Variants in HTRA3 observed in about 807,000 individuals in gnomAD.
The protein encoded by HTRA3 is HtrA serine peptidase 3, also known as serine protease HTRA3.
A neutral mutation model predicts 43.2 loss-of-function variants in HTRA3; 41 were observed. That is an observed-to-expected ratio of 0.95 (90% confidence interval 0.74 to 1.23). HTRA3 has a LOEUF of 1.23. Ranked by LOEUF, HTRA3 falls within the 50% of genes most tolerant of loss-of-function variation. The pLI is 0.00. For synonymous variants in HTRA3, 295 were observed against 287.9 expected (o/e 1.02, Z -0.25); for missense variants, 628 against 647.1 (o/e 0.97, Z 0.32).
At position 8,294,617 on chromosome 4, in the gene HTRA3, C is replaced by T. The variant is rs1320740203; in HGVS notation, c.1051+416C>T. Among the ~76,000 whole-genome samples, 8 of 1,594 alleles carry T rather than the reference C, an allele frequency of 5.0e-3. 1 individual carries two copies. Among genetic ancestry groups the T allele is most frequent in the Admixed American group, 0.022 (8 of 364 alleles). 1.0% of individuals were successfully genotyped at this position (1,594 alleles called of 152,430 possible). ...CCATCCATCCATCCATCCATCCATC[C>T]ATCCATCCATCCATCCATCCATCCA... On this transcript the variant is annotated intron_variant, in intron 6 of 8. Transcript: ENST00000307358.
intron 6 of HTRA3, among the ~76,000 whole-genome samples, chr4:8,300,927 C>A (rs757724731): frequency 6.8e-6 from 1 of 147,870 alleles, no homozygotes; most frequent in African/African-American, 2.5e-5. Flanking sequence ...TATTATTGAT[C>A]CAGTCATCTT....
intron 1 of HTRA3, among the ~76,000 whole-genome samples, chr4:8,281,725 G>T (rs1482978962): frequency 6.6e-6 from 1 of 152,262 alleles, no homozygotes; most frequent in African/African-American, 2.4e-5. Context: ...CCTCAGGCCT[G>T]TGGTCCTGGC....
intron 4 of HTRA3, among the ~76,000 whole-genome samples, chr4:8,292,089 C>A (rs1043674784): frequency 6.6e-6 from 1 of 152,126 alleles, no homozygotes; most frequent in Non-Finnish European, 1.5e-5. Context: ...GTGTAGATGC[C>A]GAAGCGTATG....
At position 8,269,999 on chromosome 4, in the gene HTRA3, T is replaced by C. The variant is rs1712179396; in HGVS notation, c.31T>C (p.Leu11=). The change falls in exon 1 of 9, where the codon TTG becomes CTG. Residue 11 remains leucine, a synonymous_variant. Coordinates refer to ENST00000307358, the MANE Select transcript of HTRA3 (RefSeq NM_053044.5). ...GGCGCGAGCGCTGCTCCTGGCCGCG[T>C]TGGCCGCGCTGGCGCTGGCCCGGGA... MQARALLLAA[L]AALALAREPP... 2.4e-6 allele frequency: 3 copies of C among 1,259,080 alleles called. No individual in the cohort carries two copies. In the East Asian group the frequency reaches 1.0e-4, roughly 42 times the overall value. The allele number at this position is 1,259,080 out of a possible 1,614,324, so 78.0% of individuals were successfully genotyped here. A position where few individuals can be genotyped will look rare whatever the true frequency, so the allele number is the denominator to read the frequency against.
intron 4 of HTRA3, among the ~76,000 whole-genome samples, chr4:8,291,945 C>T (rs542438228): frequency 5.9e-5 from 9 of 152,376 alleles, no homozygotes; most frequent in South Asian, 2.1e-4. Flanking sequence ...CCCCAGATCA[C>T]GTCCATCCAG....
chr4:8,272,810 TG>T (rs1374314538), intron 1 of HTRA3, among the ~76,000 whole-genome samples: 1 of 152,026 alleles, frequency 6.6e-6, no homozygotes, highest in East Asian at 1.9e-4. Context: ...CGGAGCCAGG[TG>T]GGGAAATGGG....
chr4:8,270,445 C>T, intron 1 of HTRA3, 92 bp downstream of exon 1: 2 of 1,308,400 alleles, frequency 1.5e-6, no homozygotes, highest in Non-Finnish European at 2.0e-6. Context: ...GTCGCCCTTC[C>T]CTGGGCACCA....
In HTRA3 at chr4:8,297,832, G is replaced by A. The variant is rs1029371224; in HGVS notation, c.1051+3631G>A. Among the ~76,000 whole-genome samples the A allele has an allele frequency of 6.6e-6, 1 of 152,090 alleles. No individual in the cohort carries two copies. Among genetic ancestry groups the A allele is most frequent in the Non-Finnish European group, 1.5e-5 (1 of 67,996 alleles). ...CAGGCTCAGACGCGCAGCTGCTTGT[G>A]GGATGGACCCACCAATGTCCACAGG... On this transcript the variant is annotated intron_variant, in intron 6 of 8. Coordinates refer to ENST00000307358, the MANE Select transcript of HTRA3 (RefSeq NM_053044.5). This position sits in a 1 kb window ranked among gnomAD's most constrained non-coding sequence, Gnocchi z 5.8.
intron 6 of HTRA3, among the ~76,000 whole-genome samples, chr4:8,299,036 C>T (rs1450118362): frequency 2.0e-5 from 3 of 152,214 alleles, no homozygotes; most frequent in African/African-American, 2.4e-5. Context: ...TGCTGATGAT[C>T]TGATTGGGAT....
Position 8,286,534 on chromosome 4 carries a change from T to C in HTRA3, c.486-27T>C. The stretch of plus-strand genomic sequence containing the variant: ...CCCCGCGTCCTAGCCCCACCCTAAA[T>C]GCCCGCCTGTGTCTCCCTGGCTGCA... On this transcript the variant is annotated intron_variant, in intron 2 of 8. Transcript: ENST00000307358. This position sits in a 1 kb window ranked among gnomAD's most constrained non-coding sequence, Gnocchi z 4.9. The C allele has an allele frequency of 6.2e-7, 1 of 1,607,528 alleles. No homozygotes were observed. The highest frequency in any genetic ancestry group is 8.5e-7 in the Non-Finnish European group (1 of 1,175,624).
chr4:8,294,590 A>T (rs1212013509), intron 6 of HTRA3, among the ~76,000 whole-genome samples: 3 of 24 alleles, frequency 0.12, no homozygotes, highest in African/African-American at 0.5. Context: ...CCGTCCATCC[A>T]TCCATCCATC....
At position 8,286,082 on chromosome 4, in the gene HTRA3, G is replaced by A. The variant is rs1378354926; in HGVS notation, c.486-479G>A. 2.0e-5 allele frequency among the ~76,000 whole-genome samples: 3 copies of A among 152,212 alleles called. No homozygotes were observed. Among genetic ancestry groups the A allele is most frequent in the African/African-American group, 4.8e-5 (2 of 41,460 alleles). On this transcript the variant is annotated intron_variant, in intron 2 of 8. Coordinates refer to ENST00000307358, the MANE Select transcript of HTRA3 (RefSeq NM_053044.5). This position sits in a 1 kb window ranked among gnomAD's most constrained non-coding sequence, Gnocchi z 4.9. ...AGGGCCAATTATTGTCCTGTTTGTT[G>A]AGAGGCGTTTTAGAGCCCAGGCATC...
chr4:8,270,573 C>G (rs573749175), intron 1 of HTRA3, among the ~76,000 whole-genome samples: 4 of 152,292 alleles, frequency 2.6e-5, no homozygotes, highest in South Asian at 2.1e-4. Context: ...AAAAGGGAAA[C>G]CCGGTGGTCT....
At chr4:8,271,570 G>A (rs1369291858) in intron 1 of HTRA3, among the ~76,000 whole-genome samples, 1 of 152,222 alleles carries the variant, frequency 6.6e-6, no homozygotes, top group Non-Finnish European at 1.5e-5. Flanking sequence ...TACAACGCCT[G>A]AGACTGGGCA....
At chr4:8,271,488 C>T (rs1046898527) in intron 1 of HTRA3, among the ~76,000 whole-genome samples, 2 of 152,154 alleles carry the variant, frequency 1.3e-5, no homozygotes, top group Non-Finnish European at 2.9e-5. Context: ...AAGCATCATT[C>T]GAGATTAGCT....
In HTRA3 at chr4:8,286,765, C is replaced by T. The variant is rs1222994757; in HGVS notation, c.690C>T (p.Thr230=). 1.2e-6 allele frequency: 2 copies of T among 1,613,746 alleles called. No homozygotes were observed. Among genetic ancestry groups the T allele is most frequent in the Non-Finnish European group, 1.7e-6 (2 of 1,179,766 alleles). The change falls in exon 3 of 9, where the codon ACC becomes ACT. Residue 230 remains threonine, a synonymous_variant. Transcript: ENST00000307358. This position sits in a 1 kb window ranked among gnomAD's most constrained non-coding sequence, Gnocchi z 4.9. ...TCGACAAGAAGTCGGACATTGCCACCATCAAGATCCATCCCAAGGTGGGTG... is the reference window on the plus strand; with the variant it reads ...TCGACAAGAAGTCGGACATTGCCACTATCAAGATCCATCCCAAGGTGGGTG... ...KDIDKKSDIA[T]IKIHPKKKLP...
chr4:8,277,776 G>A (rs11733786), intron 1 of HTRA3, among the ~76,000 whole-genome samples: 47,445 of 151,976 alleles, frequency 0.31, 8,399 homozygotes, highest in Non-Finnish European at 0.4. Flanking sequence ...TGTAGACCAT[G>A]GTCACCGTTA....
chr4:8,281,534 A>G (rs1712742113), intron 1 of HTRA3, among the ~76,000 whole-genome samples: 1 of 152,212 alleles, frequency 6.6e-6, no homozygotes, highest in South Asian at 2.1e-4. Context: ...CACAGCTAGA[A>G]AGCAGCCAGG....
rs150588431 is a variant in HTRA3, at chr4:8,294,125, G to T, written c.975G>T (p.Thr325=). 6.2e-7 allele frequency: 1 copy of T among 1,612,224 alleles called. No homozygotes were observed. The highest frequency in any genetic ancestry group is 1.3e-5 in the African/African-American group (1 of 74,874). The stretch of plus-strand genomic sequence containing the variant: ...TTGGCATCAACACGCTCAAGGTCAC[G>T]GCTGGCATCTCCTTTGCCATCCCCT... ...EVIGINTLKV[T]AGISFAIPSD... Residue 325 remains threonine, a synonymous_variant, in exon 6 of 9, where the codon ACG becomes ACT. Transcript: ENST00000307358.
Sources: allele counts gnomAD v4.1 joint callset (sites outside exome capture counted in the v4.1 genomes callset), GRCh38; gene constraint gnomAD v4.1.1; non-coding constraint Gnocchi (gnomAD v3.1); transcripts MANE v1.5; gene names NCBI Gene and HGNC (gene_info 2026-07-23, HGNC 2026-07-21).